The following IQCJ variants were observed in gnomAD, a reference collection of about 807,000 sequenced individuals.
IQCJ encodes IQ motif containing J.
In IQCJ, 9 loss-of-function variants were observed where a neutral mutation model predicts 11.0. The ratio of observed to expected loss-of-function variants is 0.82; its 90% CI spans 0.49 to 1.43. IQCJ has a LOEUF of 1.43. Ranked by LOEUF, IQCJ falls within the 40% of genes most tolerant of loss-of-function variation. The pLI is 0.00. For missense variants in IQCJ, 146 were observed against 133.2 expected (o/e 1.10, Z -0.47); for synonymous variants, 55 against 51.3 (o/e 1.07, Z -0.31).
intron 1 of IQCJ, among the ~76,000 whole-genome samples, chr3:159,084,426 G>C (rs1202615912): frequency 2.0e-5 from 3 of 152,054 alleles, no homozygotes; most frequent in Non-Finnish European, 1.5e-5. Context: ...CATAAAAATA[G>C]GGAAGTCTTT....
intron 1 of IQCJ, among the ~76,000 whole-genome samples, chr3:159,217,836 T>C (rs1012456092): frequency 4.2e-4 from 64 of 152,210 alleles, no homozygotes; most frequent in African/African-American, 1.5e-3. Flanking sequence ...CCACACTGGG[T>C]TCTGTAACCA....
At chr3:159,102,157 G>T (rs1394629998) in intron 1 of IQCJ, among the ~76,000 whole-genome samples, 1 of 152,208 alleles carries the variant, frequency 6.6e-6, no homozygotes, top group Non-Finnish European at 1.5e-5. Context: ...CTGTACATCA[G>T]TTGTCAGGCT....
intron 1 of IQCJ, among the ~76,000 whole-genome samples, chr3:159,229,570 A>G (rs1448105371): frequency 6.6e-6 from 1 of 151,666 alleles, no homozygotes; most frequent in Non-Finnish European, 1.5e-5. Flanking sequence ...TTGTTAAACA[A>G]TGAATGGAAC....
intron 1 of IQCJ, among the ~76,000 whole-genome samples, chr3:159,135,937 C>A (rs981338730): frequency 2.0e-5 from 3 of 152,184 alleles, no homozygotes; most frequent in Non-Finnish European, 4.4e-5. Flanking sequence ...AGCTACTACT[C>A]TAAGTGCTTT....
intron 1 of IQCJ, among the ~76,000 whole-genome samples, chr3:159,240,659 G>A (rs1726863591): frequency 6.6e-6 from 1 of 152,152 alleles, no homozygotes; most frequent in African/African-American, 2.4e-5. Context: ...TACATAAAAA[G>A]TAATTCACGG....
intron 1 of IQCJ, among the ~76,000 whole-genome samples, chr3:159,094,163 C>T (rs898648618): frequency 4.0e-5 from 6 of 151,686 alleles, no homozygotes; most frequent in Non-Finnish European, 7.3e-5. Flanking sequence ...TTCCTTCATT[C>T]ACAATAATGG....
downstream of IQCJ, chr3:159,265,177 T>C (rs755047905): frequency 2.9e-5 from 46 of 1,564,820 alleles, no homozygotes; most frequent in African/African-American, 6.8e-5. Flanking sequence ...GTTTGGAGTT[T>C]AGTGAGCTAA....
At chr3:159,193,919 A>C (rs1458181929) in intron 1 of IQCJ, among the ~76,000 whole-genome samples, 1 of 152,160 alleles carries the variant, frequency 6.6e-6, no homozygotes, top group Non-Finnish European at 1.5e-5. Flanking sequence ...TTGTGCCAAA[A>C]CTGGTATGGC....
At chr3:159,216,689 A>G (rs916539488) in intron 1 of IQCJ, among the ~76,000 whole-genome samples, 15 of 150,648 alleles carry the variant, frequency 1.0e-4, no homozygotes, top group Admixed American at 9.8e-4. Flanking sequence ...ACTGACATAC[A>G]TGCATTTTTT....
At position 159,262,885 on chromosome 3, in the gene IQCJ, C is replaced by T; in HGVS notation, c.*154C>T. On this transcript the variant is annotated 3_prime_UTR_variant, in exon 4 of 4. Coordinates refer to ENST00000397832, the MANE Select transcript of IQCJ (RefSeq NM_001042706.3). ...ACACAATTCATAAGCACAAAGTGAA[C>T]TTTATCAAGTCTGGAGAAAATAGAT... 7.2e-7 allele frequency: 1 copy of T among 1,394,766 alleles called. No homozygotes were observed. The highest frequency in any genetic ancestry group is 9.3e-7 in the Non-Finnish European group (1 of 1,071,828). The allele number at this position is 1,394,766 out of a possible 1,614,324, so 86.4% of individuals were successfully genotyped here.
chr3:159,135,209 C>G (rs987102018), intron 1 of IQCJ, among the ~76,000 whole-genome samples: 2 of 152,172 alleles, frequency 1.3e-5, no homozygotes, highest in Non-Finnish European at 2.9e-5. Flanking sequence ...GCAAGGCTTA[C>G]TTGGTATCTA....
intron 1 of IQCJ, among the ~76,000 whole-genome samples, chr3:159,138,474 T>TG (rs1720422978): frequency 6.6e-6 from 1 of 152,252 alleles, no homozygotes; most frequent in African/African-American, 2.4e-5. Flanking sequence ...TTCAAGCCTC[T>TG]GTTCTTCTAG....
intron 1 of IQCJ, among the ~76,000 whole-genome samples, chr3:159,142,278 A>G (rs1198784101): frequency 6.6e-6 from 1 of 152,184 alleles, no homozygotes; most frequent in African/African-American, 2.4e-5. Context: ...TTCAGAGGCA[A>G]AAAACTGCTT....
intron 1 of IQCJ, among the ~76,000 whole-genome samples, chr3:159,191,380 G>A (rs1398554925): frequency 1.3e-5 from 2 of 152,142 alleles, no homozygotes; most frequent in Non-Finnish European, 2.9e-5. Flanking sequence ...AGATGATTTT[G>A]TCTAAAGACA....
intron 3 of IQCJ, among the ~76,000 whole-genome samples, chr3:159,258,828 T>A (rs1428222281): frequency 1.3e-5 from 2 of 152,296 alleles, no homozygotes; most frequent in Non-Finnish European, 2.9e-5. Context: ...TGTGCCCCAC[T>A]GCACAGTCTG....
intron 1 of IQCJ, among the ~76,000 whole-genome samples, chr3:159,084,379 C>G (rs1716559973): frequency 6.6e-6 from 1 of 151,920 alleles, no homozygotes; most frequent in South Asian, 2.1e-4. Context: ...GAATGGAAGA[C>G]TAATTTGAAG....
chr3:159,242,039 ACAGAATTAAT>A (rs1472670966), intron 1 of IQCJ, among the ~76,000 whole-genome samples: 1 of 152,218 alleles, frequency 6.6e-6, no homozygotes, highest in Admixed American at 6.5e-5. Context: ...GTAATTGTGC[ACAGAATTAAT>A]GTTCTGTGTA....
chr3:159,240,930 G>T (rs992523914), intron 1 of IQCJ, among the ~76,000 whole-genome samples: 4 of 152,108 alleles, frequency 2.6e-5, no homozygotes, highest in African/African-American at 9.7e-5. Context: ...AAAAGACATG[G>T]CCAAAACAAA....
chr3:159,139,301 T>C (rs1432125515), intron 1 of IQCJ, among the ~76,000 whole-genome samples: 2 of 152,212 alleles, frequency 1.3e-5, no homozygotes, highest in Admixed American at 1.3e-4. Context: ...ATTTCTGTTT[T>C]TTTTAATAGA....
Sources: gnomAD v4.1 joint callset for allele counts (sites outside exome capture counted in the v4.1 genomes callset) on GRCh38, gnomAD v4.1.1 for gene constraint, MANE v1.5 for transcripts, NCBI Gene and HGNC (gene_info 2026-07-23, HGNC 2026-07-21) for gene names.